Variants in BTF3L4 observed in about 807,000 individuals in gnomAD.
BTF3L4 encodes basic transcription factor 3 like 4.
In BTF3L4, 6 loss-of-function variants were observed where a neutral mutation model predicts 16.8. The ratio of observed to expected loss-of-function variants is 0.36; its 90% CI spans 0.20 to 0.71. BTF3L4 has a LOEUF of 0.71. Among genes scored for constraint, BTF3L4 ranks in the 30% least tolerant of loss-of-function variants. The pLI, the probability that BTF3L4 is intolerant of heterozygous loss-of-function variation, is 0.58. For missense variants in BTF3L4, 92 were observed against 186.9 expected (o/e 0.49, Z 2.96); for synonymous variants, 39 against 59.8 (o/e 0.65, Z 1.60).
chr1:52,080,577 A>C (rs904126568), intron 3 of BTF3L4, among the ~76,000 whole-genome samples: 1 of 110,892 alleles, frequency 9.0e-6, no homozygotes, highest in Non-Finnish European at 1.7e-5. Flanking sequence ...TCTGTTGCCC[A>C]GGCCAGAGTG....
At chr1:52,070,131 C>T (rs1462376591) in intron 3 of BTF3L4, among the ~76,000 whole-genome samples, 2 of 151,436 alleles carry the variant, frequency 1.3e-5, no homozygotes, top group African/African-American at 4.9e-5. Flanking sequence ...GTAGGAGAAT[C>T]GCTTGAACCT....
At chr1:52,075,481 C>T (rs1342288763) in intron 3 of BTF3L4, among the ~76,000 whole-genome samples, 1 of 147,652 alleles carries the variant, frequency 6.8e-6, no homozygotes, top group East Asian at 2.0e-4. Flanking sequence ...GAGATCGCAC[C>T]ACTACACTAC....
intron 3 of BTF3L4, among the ~76,000 whole-genome samples, chr1:52,075,313 G>A (rs1006659003): frequency 1.3e-4 from 20 of 150,526 alleles, no homozygotes; most frequent in Non-Finnish European, 2.5e-4. Context: ...CAGCACTTTG[G>A]GAGGATCACG....
intron 3 of BTF3L4, among the ~76,000 whole-genome samples, chr1:52,080,519 G>GTTTTTT (rs753783341): frequency 2.8e-5 from 2 of 70,244 alleles, no homozygotes; most frequent in African/African-American, 1.3e-4. Flanking sequence ...GGTTTTTTGG[G>GTTTTTT]TTTTTTTTTT....
chr1:52,073,260 G>A (rs904860448), intron 3 of BTF3L4, among the ~76,000 whole-genome samples: 10 of 151,836 alleles, frequency 6.6e-5, no homozygotes, highest in African/African-American at 2.2e-4. Flanking sequence ...CTCCAACCTC[G>A]GCAACAAGAG....
chr1:52,063,575 TC>T (rs1326846595), intron 2 of BTF3L4, among the ~76,000 whole-genome samples: 2 of 152,316 alleles, frequency 1.3e-5, no homozygotes, highest in East Asian at 3.9e-4. Context: ...TTCTCCTTAC[TC>T]CTACCAGTTT....
intron 3 of BTF3L4, among the ~76,000 whole-genome samples, chr1:52,069,884 T>TC (rs1686740787): frequency 6.6e-6 from 1 of 152,048 alleles, no homozygotes; most frequent in Admixed American, 6.6e-5. Context: ...TGATTTTTTT[T>TC]CCCCCTTCCA....
intron 3 of BTF3L4, among the ~76,000 whole-genome samples, chr1:52,066,414 C>T (rs1181693488): frequency 6.6e-6 from 1 of 150,634 alleles, no homozygotes; most frequent in African/African-American, 2.4e-5. Flanking sequence ...GTTGGCCAGG[C>T]TGGTTTCAAA....
chr1:52,067,554 C>T (rs1328327615), intron 3 of BTF3L4, among the ~76,000 whole-genome samples: 1 of 151,834 alleles, frequency 6.6e-6, no homozygotes, highest in African/African-American at 2.4e-5. Context: ...TTTCATGGAC[C>T]TCAAATATTT....
chr1:52,080,108 G>C (rs1643904911), intron 3 of BTF3L4, among the ~76,000 whole-genome samples: 1 of 152,014 alleles, frequency 6.6e-6, no homozygotes, highest in African/African-American at 2.4e-5. Flanking sequence ...CTGATCTCAG[G>C]TGATCCACCC....
chr1:52,074,302 A>T, intron 3 of BTF3L4, among the ~76,000 whole-genome samples: 1 of 151,574 alleles, frequency 6.6e-6, no homozygotes, highest in East Asian at 1.9e-4. Context: ...GGTTCAAGCG[A>T]TTCTCGTGCC....
intron 3 of BTF3L4, among the ~76,000 whole-genome samples, chr1:52,070,381 T>G (rs1483300503): frequency 6.6e-6 from 1 of 151,694 alleles, no homozygotes; most frequent in Non-Finnish European, 1.5e-5. Flanking sequence ...TATATAGGTT[T>G]GTTTGTTTGT....
At chr1:52,074,971 G>C (rs1411058703) in intron 3 of BTF3L4, among the ~76,000 whole-genome samples, 1 of 151,836 alleles carries the variant, frequency 6.6e-6, no homozygotes, top group Non-Finnish European at 1.5e-5. Context: ...TGCCCAGGCT[G>C]GTCTTGAACT....
intron 3 of BTF3L4, chr1:52,065,557 C>T (rs1205116574): frequency 5.3e-5 from 8 of 152,170 alleles, no homozygotes; most frequent in East Asian, 3.9e-4. Flanking sequence ...TGAACCACCG[C>T]GCCCGGCCAG....
chr1:52,064,796 A>G (rs1444053698), intron 2 of BTF3L4, 29 bp from the exon 3 acceptor site: 1 of 1,473,218 alleles, frequency 6.8e-7, no homozygotes, highest in Non-Finnish European at 9.4e-7. Context: ...GCATGCTAAC[A>G]CTTCTGCTTC....
At chr1:52,059,077 C>A (rs893834778) in intron 1 of BTF3L4, among the ~76,000 whole-genome samples, 1 of 151,512 alleles carries the variant, frequency 6.6e-6, no homozygotes, top group South Asian at 2.1e-4. Context: ...CCTCTCTGCC[C>A]CCCCCCAACA....
intron 3 of BTF3L4, among the ~76,000 whole-genome samples, chr1:52,081,128 G>A (rs953677850): frequency 4.6e-5 from 7 of 151,686 alleles, no homozygotes; most frequent in South Asian, 2.1e-4. Context: ...CTGAGCCACC[G>A]CGCCTGCCCT....
At position 52,060,482 on chromosome 1, in the gene BTF3L4, C is replaced by T. The variant is rs768774022; in HGVS notation, c.54+581C>T. ...CCATGTTGGTGAATATGAATATCAG[C>T]TTTCTTATTCCCTGTACTTTTTAAA... is the stretch of plus-strand genomic sequence containing the variant. On this transcript the variant is annotated intron_variant, in intron 2 of 5. Transcript: ENST00000313334. The T allele has an allele frequency of 2.0e-5, 26 of 1,269,350 alleles. No individual in the cohort carries two copies. The South Asian group carries it at 3.3e-4, about 16-fold the overall frequency. The allele number at this position is 1,269,350 out of a possible 1,614,324, so 78.6% of individuals were successfully genotyped here. A position where few individuals can be genotyped will look rare whatever the true frequency, so the allele number is the denominator to read the frequency against.
chr1:52,074,662 C>G (rs1419846036), intron 3 of BTF3L4, among the ~76,000 whole-genome samples: 1 of 150,236 alleles, frequency 6.7e-6, no homozygotes, highest in Non-Finnish European at 1.5e-5. Flanking sequence ...ACACCCAGCC[C>G]CATACCCAGC....
Sources: allele counts gnomAD v4.1 joint callset (sites outside exome capture counted in the v4.1 genomes callset), GRCh38; gene constraint gnomAD v4.1.1; transcripts MANE v1.5; gene names NCBI Gene and HGNC (gene_info 2026-07-23, HGNC 2026-07-21).